GAS7: variants seen among roughly 807,000 people sequenced by gnomAD.
GAS7 encodes the protein growth arrest-specific protein 7.
A neutral mutation model predicts 71.1 loss-of-function variants in GAS7; 28 were observed. That is an observed-to-expected ratio of 0.39 (90% CI 0.29 to 0.54). The LOEUF (loss-of-function observed/expected upper bound fraction) is 0.54, where lower values mean the gene tolerates loss of function less well. Ranked by LOEUF, GAS7 falls within the 20% of genes least tolerant of loss-of-function variation. The pLI is 0.62. For missense variants in GAS7, 436 were observed against 627.8 expected (o/e 0.69, Z 3.27); for synonymous variants, 258 against 245.8 (o/e 1.05, Z -0.46).
intron 9 of GAS7, among the ~76,000 whole-genome samples, chr17:9,929,072 A>G (rs187779683): frequency 3.2e-4 from 49 of 152,298 alleles, no homozygotes; most frequent in Admixed American, 1.3e-3. Context: ...TGCTACAAAA[A>G]TCTTGAGAGC....
chr17:10,067,081 G>A (rs2073289066), intron 1 of GAS7, among the ~76,000 whole-genome samples: 1 of 152,086 alleles, frequency 6.6e-6, no homozygotes, highest in African/African-American at 2.4e-5. Flanking sequence ...GCAAGTGATA[G>A]CTCCTTCTCC....
At chr17:9,957,481 C>A (rs535619556) in intron 5 of GAS7, among the ~76,000 whole-genome samples, 1 of 152,164 alleles carries the variant, frequency 6.6e-6, no homozygotes, top group Non-Finnish European at 1.5e-5. Context: ...CATCACTAAG[C>A]GCCTTTAAGG....
intron 2 of GAS7, among the ~76,000 whole-genome samples, chr17:10,001,381 A>G (rs1414321973): frequency 6.6e-6 from 1 of 152,170 alleles, no homozygotes; most frequent in Non-Finnish European, 1.5e-5. Flanking sequence ...AAAAAGAGGA[A>G]ATAAAACCCT....
chr17:9,931,341 T>A (rs868149743), intron 9 of GAS7, among the ~76,000 whole-genome samples: 21 of 152,182 alleles, frequency 1.4e-4, no homozygotes, highest in Admixed American at 9.8e-4. Context: ...GGAGAGAGTT[T>A]TGCCACCTGT....
chr17:10,085,423 C>T (rs1487957110), intron 1 of GAS7, among the ~76,000 whole-genome samples: 3 of 152,098 alleles, frequency 2.0e-5, no homozygotes, highest in Non-Finnish European at 4.4e-5. Context: ...GTGGCTCACG[C>T]CTGTAATCCC....
chr17:10,187,265 C>A (rs1297930254), intron 1 of GAS7, among the ~76,000 whole-genome samples: 1 of 152,132 alleles, frequency 6.6e-6, no homozygotes, highest in Non-Finnish European at 1.5e-5. Context: ...GGAGGTCTTG[C>A]GGCTTTGGAC....
intron 1 of GAS7, among the ~76,000 whole-genome samples, chr17:10,090,952 C>T (rs2073575631): frequency 1.3e-5 from 2 of 152,128 alleles, no homozygotes; most frequent in Admixed American, 6.5e-5. Context: ...TGAAACCAAG[C>T]CAAGAAGGCT....
chr17:10,045,912 A>G (rs1378113024), intron 1 of GAS7, among the ~76,000 whole-genome samples: 1 of 152,166 alleles, frequency 6.6e-6, no homozygotes, highest in Non-Finnish European at 1.5e-5. Context: ...ATCCCACTGA[A>G]ATGTAGTCTG....
At chr17:10,080,075 A>G (rs1193851468) in intron 1 of GAS7, among the ~76,000 whole-genome samples, 6 of 152,108 alleles carry the variant, frequency 3.9e-5, no homozygotes, top group South Asian at 2.1e-4. Flanking sequence ...ACAGGATGAG[A>G]TAGGAGGTGG....
intron 1 of GAS7, among the ~76,000 whole-genome samples, chr17:10,041,499 A>G (rs1382351869): frequency 6.6e-6 from 1 of 152,236 alleles, no homozygotes; most frequent in Non-Finnish European, 1.5e-5. Context: ...CCGGGCCATT[A>G]CAAACCAGGA....
intron 2 of GAS7, among the ~76,000 whole-genome samples, chr17:9,990,609 C>T (rs140396964): frequency 4.6e-5 from 7 of 152,192 alleles, no homozygotes; most frequent in Non-Finnish European, 1.5e-5. Context: ...GAAGAGAATC[C>T]CAAATGAAGG....
chr17:10,080,001 C>T lies in GAS7; in HGVS notation c.184-60104G>A, dbSNP rs375540213. On this transcript the variant is annotated intron_variant, in intron 1 of 13. Coordinates refer to ENST00000432992, the MANE Select transcript of GAS7 (RefSeq NM_201433.2). ...AGAGTGACTCCATCTTGTATAGAGG[C>T]TGGGTAAAAGATAAGTCTGAGACCT... 1.3e-5 allele frequency among the ~76,000 whole-genome samples: 2 copies of T among 152,234 alleles called. 1 individual carries two copies. Among genetic ancestry groups the T allele is most frequent in the Middle Eastern group, 6.8e-3 (2 of 294 alleles).
At chr17:9,923,828 C>G (rs1230155582) in intron 11 of GAS7, among the ~76,000 whole-genome samples, 1 of 152,224 alleles carries the variant, frequency 6.6e-6, no homozygotes, top group Non-Finnish European at 1.5e-5. Context: ...TACAATAACA[C>G]AGCTTCACTG....
intron 3 of GAS7, among the ~76,000 whole-genome samples, chr17:9,978,340 T>C (rs539290096): frequency 4.0e-5 from 6 of 150,208 alleles, no homozygotes; most frequent in Non-Finnish European, 7.4e-5. Context: ...AAGGCCCCAG[T>C]TTAACATTTG....
At chr17:10,095,153 C>G (rs1196179836) in intron 1 of GAS7, among the ~76,000 whole-genome samples, 1 of 152,152 alleles carries the variant, frequency 6.6e-6, no homozygotes, top group African/African-American at 2.4e-5. Flanking sequence ...CTTATGGACG[C>G]TGAATGTGCC....
chr17:10,127,008 G>A (rs970885505), intron 1 of GAS7, among the ~76,000 whole-genome samples: 1 of 152,192 alleles, frequency 6.6e-6, no homozygotes, highest in Non-Finnish European at 1.5e-5. Flanking sequence ...CTGGCCTGAA[G>A]GTTGGAGCCA....
At chr17:10,064,497 T>C (rs2073259136) in intron 1 of GAS7, among the ~76,000 whole-genome samples, 1 of 152,162 alleles carries the variant, frequency 6.6e-6, no homozygotes, top group Admixed American at 6.5e-5. Context: ...CCTGGCCAAT[T>C]AGCACGTGCC....
At chr17:10,055,485 T>A (rs958007848) in intron 1 of GAS7, among the ~76,000 whole-genome samples, 4 of 152,170 alleles carry the variant, frequency 2.6e-5, no homozygotes, top group African/African-American at 9.7e-5. Flanking sequence ...TGTTCATCCC[T>A]GTCTGTACCG....
At chr17:10,121,475 G>A (rs2142076929) in intron 1 of GAS7, among the ~76,000 whole-genome samples, 1 of 152,266 alleles carries the variant, frequency 6.6e-6, no homozygotes, top group South Asian at 2.1e-4. Flanking sequence ...GGTGATGCTG[G>A]GGAAATTATT....
Sources: allele counts gnomAD v4.1 joint callset (sites outside exome capture counted in the v4.1 genomes callset), GRCh38; gene constraint gnomAD v4.1.1; transcripts MANE v1.5; gene names NCBI Gene and HGNC (gene_info 2026-07-23, HGNC 2026-07-21).